NAALADL2: variants seen among roughly 807,000 people sequenced by gnomAD.
NAALADL2 encodes the protein inactive N-acetylated-alpha-linked acidic dipeptidase-like protein 2.
In NAALADL2, 76 loss-of-function variants were observed where a neutral mutation model predicts 87.2. The observed-to-expected ratio is 0.87, with a 90% confidence interval of 0.72 to 1.05. NAALADL2 has a LOEUF of 1.05. Among genes scored for constraint, NAALADL2 ranks in the 50% least tolerant of loss-of-function variants. The pLI, the probability that NAALADL2 is intolerant of heterozygous loss-of-function variation, is 0.00. For synonymous variants in NAALADL2, 354 were observed against 331.0 expected, an observed-to-expected ratio of 1.07 and a Z score of -0.75; for missense variants, 1,089 against 945.8, an observed-to-expected ratio of 1.15 and a Z score of -1.99.
chr3:174,661,672 C>G (rs963627430), intron 2 of NAALADL2, among the ~76,000 whole-genome samples: 1 of 151,986 alleles, frequency 6.6e-6, no homozygotes, highest in African/African-American at 2.4e-5. Flanking sequence ...TAACCATCAC[C>G]CAAATATTGA....
At chr3:175,400,976 C>T (rs780463232) in intron 5 of NAALADL2, among the ~76,000 whole-genome samples, 4 of 152,150 alleles carry the variant, frequency 2.6e-5, no homozygotes, top group Non-Finnish European at 5.9e-5. Flanking sequence ...AAAAGCCAAT[C>T]AGCCTTTATG....
At chr3:175,687,188 TATAA>T (rs1271949700) in intron 11 of NAALADL2, among the ~76,000 whole-genome samples, 35 of 152,308 alleles carry the variant, frequency 2.3e-4, no homozygotes, top group African/African-American at 8.4e-4. Context: ...TATAAATTTT[TATAA>T]ATAAATCAGG....
chr3:175,417,823 G>A (rs1473716333), intron 5 of NAALADL2, among the ~76,000 whole-genome samples: 1 of 152,142 alleles, frequency 6.6e-6, no homozygotes, highest in African/African-American at 2.4e-5. Flanking sequence ...TAAACACTGT[G>A]ACGTGACAAA....
chr3:174,990,014 G>C (rs184327826), intron 1 of NAALADL2, among the ~76,000 whole-genome samples: 1 of 151,972 alleles, frequency 6.6e-6, no homozygotes, highest in South Asian at 2.1e-4. Context: ...CATGAAAACC[G>C]TAAAAAGAGA....
At chr3:175,024,739 T>G (rs1752005727) in intron 1 of NAALADL2, among the ~76,000 whole-genome samples, 1 of 152,214 alleles carries the variant, frequency 6.6e-6, no homozygotes, top group African/African-American at 2.4e-5. Flanking sequence ...GTTTTACTTT[T>G]TAATAAGCTG....
intron 2 of NAALADL2, among the ~76,000 whole-genome samples, chr3:175,227,906 T>G (rs1319827075): frequency 6.6e-6 from 1 of 151,966 alleles, no homozygotes; most frequent in Non-Finnish European, 1.5e-5. Flanking sequence ...AAATAAAATT[T>G]TAAACGGCAT....
intron 2 of NAALADL2, among the ~76,000 whole-genome samples, chr3:174,585,616 C>T (rs1308583617): frequency 2.6e-5 from 4 of 151,780 alleles, no homozygotes; most frequent in South Asian, 2.1e-4. Context: ...AGCTTCATAG[C>T]GTTCTTGTCT....
chr3:175,417,017 T>A (rs1462896299), intron 5 of NAALADL2, among the ~76,000 whole-genome samples: 1 of 151,214 alleles, frequency 6.6e-6, no homozygotes, highest in Non-Finnish European at 1.5e-5. Context: ...TAAGCAATTG[T>A]TTATGATATA....
chr3:174,450,722 T>G (rs1349958309), intron 1 of NAALADL2, among the ~76,000 whole-genome samples: 1 of 151,640 alleles, frequency 6.6e-6, no homozygotes, highest in Non-Finnish European at 1.5e-5. Context: ...CTACAAAAAT[T>G]AGCCAGGTGT....
chr3:174,968,730 G>C (rs1418213959), intron 1 of NAALADL2, among the ~76,000 whole-genome samples: 1 of 152,056 alleles, frequency 6.6e-6, no homozygotes, highest in Non-Finnish European at 1.5e-5. Context: ...CGCCGCCTCG[G>C]CCTCCCAAAG....
At chr3:174,463,097 G>A (rs1044468688) in intron 1 of NAALADL2, among the ~76,000 whole-genome samples, 4 of 152,198 alleles carry the variant, frequency 2.6e-5, no homozygotes, top group African/African-American at 9.6e-5. Context: ...CCATTGTACA[G>A]AGTAGACAGT....
At chr3:174,498,367 T>TA (rs1718677172) in intron 1 of NAALADL2, among the ~76,000 whole-genome samples, 1 of 152,034 alleles carries the variant, frequency 6.6e-6, no homozygotes, top group Non-Finnish European at 1.5e-5. Context: ...CATTTATGTT[T>TA]AAAAATATTT....
intron 3 of NAALADL2, among the ~76,000 whole-genome samples, chr3:174,762,289 G>T (rs1713101223): frequency 6.7e-6 from 1 of 149,570 alleles, no homozygotes; most frequent in African/African-American, 2.5e-5. Flanking sequence ...GAGCAACTGG[G>T]ACTACAGGCA....
chr3:174,877,477 T>A (rs1728654237), intron 1 of NAALADL2, among the ~76,000 whole-genome samples: 1 of 152,092 alleles, frequency 6.6e-6, no homozygotes, highest in Non-Finnish European at 1.5e-5. Flanking sequence ...CAGAAAAGGC[T>A]CTCACATCTC....
At chr3:175,056,496 ATGGGT>A (rs1712208426) in intron 1 of NAALADL2, among the ~76,000 whole-genome samples, 1 of 152,068 alleles carries the variant, frequency 6.6e-6, no homozygotes, top group Non-Finnish European at 1.5e-5. Context: ...GCCCCCACGT[ATGGGT>A]GCCACTTGCC....
At chr3:175,460,896 T>C (rs1192080190) in intron 6 of NAALADL2, among the ~76,000 whole-genome samples, 1 of 152,170 alleles carries the variant, frequency 6.6e-6, no homozygotes, top group Non-Finnish European at 1.5e-5. Context: ...GCTTCCACAG[T>C]GTGGAAAGTG....
At position 174,816,386 on chromosome 3, in the gene NAALADL2, A is replaced by ATG. The variant is rs10567966; in HGVS notation, c.-9+78656_-9+78657dup. ...GGAGCCCTGGAATTGAGATATATATATGTGTGTGTGTGTGTGTATGTGTGT... is the reference window on the plus strand; with the variant it reads ...GGAGCCCTGGAATTGAGATATATATATGTGTGTGTGTGTGTGTGTATGTGTGT... On this transcript the variant is annotated intron_variant, in intron 3 of 3. Coordinates refer to the NAALADL2 transcript ENST00000434257. Among the ~76,000 whole-genome samples the ATG allele has an allele frequency of 5.3e-3, 758 of 143,264 alleles. 2 individuals carry two copies. The highest frequency in any genetic ancestry group is 0.015 in the African/African-American group (568 of 37,660). The allele number at this position is 143,264 out of a possible 152,430, so 94.0% of individuals were successfully genotyped here. A position where few individuals can be genotyped will look rare whatever the true frequency, so the allele number is the denominator to read the frequency against.
intron 9 of NAALADL2, among the ~76,000 whole-genome samples, chr3:175,522,700 C>T (rs908068607): frequency 9.2e-5 from 14 of 152,182 alleles, no homozygotes; most frequent in Admixed American, 4.6e-4. Flanking sequence ...ATATTGTCTT[C>T]TCAGTACACA....
intron 10 of NAALADL2, among the ~76,000 whole-genome samples, chr3:175,605,687 T>A (rs1258897967): frequency 6.6e-6 from 1 of 150,976 alleles, no homozygotes; most frequent in Non-Finnish European, 1.5e-5. Context: ...TAATTATAAT[T>A]CTACAGCATA....
Sources: allele counts gnomAD v4.1 joint callset (sites outside exome capture counted in the v4.1 genomes callset), GRCh38; gene constraint gnomAD v4.1.1; transcripts MANE v1.5; gene names NCBI Gene and HGNC (gene_info 2026-07-23, HGNC 2026-07-21).